The following DYM variants were observed in gnomAD, a reference collection of about 807,000 sequenced individuals.
DYM encodes dymeclin.
In DYM, 78 loss-of-function variants were observed where a neutral mutation model predicts 93.1. That is an observed-to-expected ratio of 0.84 (90% CI 0.70 to 1.01). DYM has a LOEUF of 1.01. DYM is among the 50% of genes least tolerant of loss of function. The pLI, the probability that DYM is intolerant of heterozygous loss-of-function variation, is 0.00. For synonymous variants in DYM, 321 were observed against 319.7 expected (o/e 1.00, Z -0.04); for missense variants, 789 against 845.0 (o/e 0.93, Z 0.82).
intron 17 of DYM, among the ~76,000 whole-genome samples, chr18:49,049,947 G>C (rs1370273678): frequency 6.6e-6 from 1 of 152,150 alleles, no homozygotes; most frequent in Non-Finnish European, 1.5e-5. Flanking sequence ...GAACAAAGCT[G>C]TTTCAGTAAG....
chr18:49,155,673 T>G (rs928450363), intron 15 of DYM, among the ~76,000 whole-genome samples: 1 of 152,242 alleles, frequency 6.6e-6, no homozygotes. Flanking sequence ...CTTAGCATAA[T>G]GTTTTCAAGG....
chr18:49,104,853 T>C (rs1004995007), intron 16 of DYM, among the ~76,000 whole-genome samples: 1 of 152,236 alleles, frequency 6.6e-6, no homozygotes, highest in Non-Finnish European at 1.5e-5. Context: ...TCATCAGGGA[T>C]ATTGGTCTAA....
chr18:49,383,632 G>A (rs899418678), intron 3 of DYM, among the ~76,000 whole-genome samples: 2 of 152,152 alleles, frequency 1.3e-5, no homozygotes, highest in African/African-American at 4.8e-5. Flanking sequence ...AGCTTCATGG[G>A]TTACACCCCA....
intron 13 of DYM, among the ~76,000 whole-genome samples, chr18:49,213,283 G>T (rs2092873863): frequency 1.3e-5 from 2 of 151,270 alleles, no homozygotes; most frequent in South Asian, 2.1e-4. Context: ...ATTTCCATAG[G>T]AACTTTTTCT....
At chr18:49,045,995 G>A (rs750627714) in intron 17 of DYM, among the ~76,000 whole-genome samples, 2 of 152,120 alleles carry the variant, frequency 1.3e-5, no homozygotes, top group Non-Finnish European at 2.9e-5. Flanking sequence ...AGGGAAGGGG[G>A]AAACAGGCCT....
intron 8 of DYM, among the ~76,000 whole-genome samples, chr18:49,289,263 T>C (rs1028602312): frequency 6.6e-6 from 1 of 151,976 alleles, no homozygotes; most frequent in African/African-American, 2.4e-5. Context: ...CATTCAAGAA[T>C]ACATGAAGAA....
intron 9 of DYM, 51 bp downstream of exon 9, chr18:49,286,383 A>G: frequency 6.3e-7 from 1 of 1,583,548 alleles, no homozygotes; most frequent in Admixed American, 1.7e-5. Context: ...AATATAGAAC[A>G]AGCAATACTC....
chr18:49,440,980 T>A (rs1279059881), intron 1 of DYM, among the ~76,000 whole-genome samples: 1 of 3,326 alleles, frequency 3.0e-4, no homozygotes, highest in African/African-American at 9.0e-4. Flanking sequence ...TATAATATAT[T>A]ATATATAATA....
intron 7 of DYM, among the ~76,000 whole-genome samples, chr18:49,332,493 A>G (rs2063380709): frequency 6.6e-6 from 1 of 152,220 alleles, no homozygotes; most frequent in Non-Finnish European, 1.5e-5. Context: ...TTATCTGGCA[A>G]TTGAAGGGAA....
chr18:49,061,319 G>A (rs2075969129), intron 17 of DYM, among the ~76,000 whole-genome samples: 1 of 152,134 alleles, frequency 6.6e-6, no homozygotes, highest in African/African-American at 2.4e-5. Context: ...GGCATGTGGA[G>A]GTGGGGGGAA....
At chr18:49,454,370 T>C (rs1231469909) in intron 1 of DYM, among the ~76,000 whole-genome samples, 1 of 152,162 alleles carries the variant, frequency 6.6e-6, no homozygotes, top group Non-Finnish European at 1.5e-5. Flanking sequence ...TTGCACACGA[T>C]AATGCCTGCA....
intron 13 of DYM, among the ~76,000 whole-genome samples, chr18:49,255,051 A>C (rs2094362679): frequency 6.6e-6 from 1 of 152,242 alleles, no homozygotes; most frequent in Non-Finnish European, 1.5e-5. Flanking sequence ...AATAGAATGT[A>C]TTAAGACCAG....
intron 8 of DYM, among the ~76,000 whole-genome samples, chr18:49,316,536 A>T (rs2061954375): frequency 6.6e-6 from 1 of 152,218 alleles, no homozygotes; most frequent in Non-Finnish European, 1.5e-5. Flanking sequence ...CATAAGATGC[A>T]ATTTAAATAA....
intron 17 of DYM, among the ~76,000 whole-genome samples, chr18:49,091,242 C>T (rs769580342): frequency 1.3e-5 from 2 of 152,068 alleles, no homozygotes; most frequent in Non-Finnish European, 2.9e-5. Context: ...AATATGAAGA[C>T]CCCTGGCCTC....
intron 10 of DYM, among the ~76,000 whole-genome samples, chr18:49,276,473 G>T (rs1204201199): frequency 6.6e-6 from 1 of 151,960 alleles, no homozygotes; most frequent in African/African-American, 2.4e-5. Context: ...AATTCTGAAA[G>T]AACTATCTAA....
chr18:49,238,623 T>C (rs113902163), intron 13 of DYM, among the ~76,000 whole-genome samples: 2,119 of 152,102 alleles, frequency 0.014, 50 homozygotes, highest in African/African-American at 0.048. Context: ...AAAGATGTTT[T>C]CTTTGGAAGT....
At chr18:49,458,763 C>T (rs1357230818) in intron 1 of DYM, among the ~76,000 whole-genome samples, 1 of 152,140 alleles carries the variant, frequency 6.6e-6, no homozygotes. Flanking sequence ...TGCTTGAACC[C>T]AGGAGGCAGA....
intron 2 of DYM, among the ~76,000 whole-genome samples, chr18:49,406,166 G>C (rs2071473174): frequency 6.6e-6 from 1 of 152,172 alleles, no homozygotes; most frequent in Non-Finnish European, 1.5e-5. Context: ...AAAAGAGATG[G>C]TTTGACTTCT....
chr18:49,066,120 C>T (rs868147987), intron 17 of DYM, among the ~76,000 whole-genome samples: 2 of 145,032 alleles, frequency 1.4e-5, no homozygotes, highest in South Asian at 2.6e-4. Context: ...CAAAAGTAAT[C>T]GCGTTTTTTG....
Sources: allele counts gnomAD v4.1 joint callset (sites outside exome capture counted in the v4.1 genomes callset), GRCh38; gene constraint gnomAD v4.1.1; transcripts MANE v1.5; gene names NCBI Gene and HGNC (gene_info 2026-07-23, HGNC 2026-07-21).